The following SYNE2 variants were observed in gnomAD, a reference collection of about 807,000 sequenced individuals.
The protein encoded by SYNE2 is nesprin-2.
In SYNE2, 431 loss-of-function variants were observed where a neutral mutation model predicts 856.3. The ratio of observed to expected loss-of-function variants is 0.50; its 90% confidence interval spans 0.47 to 0.55. The LOEUF (loss-of-function observed/expected upper bound fraction) is 0.55. SYNE2 is among the 20% of genes least tolerant of loss of function. The pLI, the probability that SYNE2 is intolerant of heterozygous loss-of-function variation, is 0.00. For synonymous variants in SYNE2, 2,923 were observed against 2,872.3 expected, an observed-to-expected ratio of 1.02 and a Z score of -0.56; for missense variants, 8,129 against 8,023.2, an observed-to-expected ratio of 1.01 and a Z score of -0.50.
chr14:64,013,622 G>T (rs1317126654), intron 32 of SYNE2, among the ~76,000 whole-genome samples: 1 of 152,118 alleles, frequency 6.6e-6, no homozygotes, highest in Non-Finnish European at 1.5e-5. Context: ...ATGGCTTCTA[G>T]TTCCACCTGT....
rs1320309045 is a variant in SYNE2, at chr14:64,170,334, C to T, written c.17107C>T (p.Gln5703Ter). 1.2e-6 allele frequency: 2 copies of T among 1,614,040 alleles called. No individual in the cohort carries two copies. Among genetic ancestry groups the T allele is most frequent in the African/African-American group, 2.7e-5 (2 of 74,924 alleles). ...CGTTGATGGGCTGGTGAGGCAGTGG[C>T]AAGATTTCACTACTTCTGTGGAGAA... is the stretch of plus-strand genomic sequence containing the variant. ...GDVDGLVRQW[Q>*]DFTTSVENLF... Residue 5703 changes from glutamine (Q) to a stop codon, truncating the protein, a stop_gained, in exon 94 of 116, where the codon CAA becomes TAA. Transcript: ENST00000555002. LOFTEE classifies it high-confidence loss of function.
intron 1 of SYNE2, among the ~76,000 whole-genome samples, chr14:63,859,389 C>T (rs1892867184): frequency 6.6e-6 from 1 of 151,958 alleles, no homozygotes; most frequent in Non-Finnish European, 1.5e-5. Context: ...TTCCAGTTTC[C>T]TTAGGTCATT....
intron 112 of SYNE2, 138 bp from the exon 113 acceptor site, chr14:64,223,051 T>A: frequency 2.5e-6 from 2 of 805,186 alleles, no homozygotes; most frequent in Admixed American, 2.0e-5. Context: ...CAGGCAGATA[T>A]GAGAAATAGA....
At chr14:64,048,254 AGTCTT>A in intron 46 of SYNE2, 99 bp downstream of exon 46, 1 of 1,178,184 alleles carries the variant, frequency 8.5e-7, no homozygotes, top group Non-Finnish European at 1.2e-6. Context: ...CAGAGTGAAA[AGTCTT>A]ATTTAACCTT....
At position 64,126,473 on chromosome 14, in the gene SYNE2, C is replaced by T. The variant is rs772069863; in HGVS notation, c.13701C>T (p.His4567=). The part of the protein sequence containing the change: ...YREDGSGQQV[H]YETLALELKK... ...AGGATGGTTCTGGCCAGCAGGTGCA[C>T]TACGAGGTAGGGCACTTCTCACGAG... is the stretch of plus-strand genomic sequence containing the variant. The change falls in exon 72 of 116, where the codon CAC becomes CAT. Residue 4567 remains histidine (H), a synonymous_variant. Transcript: ENST00000555002. 4 of 1,614,128 alleles carry T rather than the reference C, an allele frequency of 2.5e-6. No individual in the cohort carries two copies. The South Asian group carries it at 4.4e-5, about 18-fold the overall frequency.
At position 64,102,176 on chromosome 14, in the gene SYNE2, G is replaced by A. The variant is rs570610362; in HGVS notation, c.12492+134G>A. 326 of 675,106 alleles carry A rather than the reference G, an allele frequency of 4.8e-4. 2 individuals carry two copies. The African/African-American group carries it at 5.0e-3, about 10-fold the overall frequency. The allele number at this position is 675,106 out of a possible 1,614,324, so 41.8% of individuals were successfully genotyped here. A position where few individuals can be genotyped will look rare whatever the true frequency, so the allele number is the denominator to read the frequency against. On this transcript the variant is annotated intron_variant, in intron 64 of 115. Coordinates refer to ENST00000555002, the MANE Select transcript of SYNE2 (RefSeq NM_182914.3). ...CTGTCGCCCAGACTGGAGTGCAGTC[G>A]TATGATCTCAGCTCACTGCAACCTC...
At chr14:64,069,464 G>A (rs2097385445) in intron 51 of SYNE2, among the ~76,000 whole-genome samples, 1 of 152,088 alleles carries the variant, frequency 6.6e-6, no homozygotes, top group Non-Finnish European at 1.5e-5. Flanking sequence ...CTAGTTATTG[G>A]GTACCCAACT....
intron 70 of SYNE2, 146 bp from the exon 71 acceptor site, chr14:64,124,933 A>T: frequency 1.0e-6 from 1 of 953,326 alleles, no homozygotes; most frequent in Non-Finnish European, 1.5e-6. Flanking sequence ...AACATGGGAG[A>T]CAGAGGTTTC....
In SYNE2 at chr14:64,113,217, T is replaced by C. The variant is rs1311033175; in HGVS notation, c.12610-124T>C. On this transcript the variant is annotated intron_variant, in intron 65 of 115. Coordinates refer to ENST00000555002, the MANE Select transcript of SYNE2 (RefSeq NM_182914.3). ...AGTGTGGAGGTGCATTTCTCTTTTC[T>C]TTCTTCCTTCTTCTGTCCTGATTTT... The C allele has an allele frequency of 1.7e-5, 26 of 1,547,536 alleles. No individual in the cohort carries two copies. The East Asian group carries it at 5.9e-4, about 35-fold the overall frequency.
At chr14:64,108,367 T>C (rs918398627) in intron 65 of SYNE2, among the ~76,000 whole-genome samples, 3 of 134,956 alleles carry the variant, frequency 2.2e-5, no homozygotes, top group African/African-American at 5.4e-5. Flanking sequence ...TAAAAAAATG[T>C]ATATATATAT....
chr14:63,950,063 C>G (rs2096125792), intron 7 of SYNE2, 57 bp downstream of exon 7: 4 of 1,551,128 alleles, frequency 2.6e-6, no homozygotes, highest in Non-Finnish European at 3.6e-6. Context: ...CAACCAACAC[C>G]ACCTCACCAC....
chr14:64,000,804 T>G, intron 28 of SYNE2, 85 bp downstream of exon 28: 3 of 1,223,160 alleles, frequency 2.5e-6, no homozygotes, highest in Admixed American at 1.9e-5. Context: ...CTTGCTATAC[T>G]AAGTATGTTA....
At chr14:63,949,789 C>G (rs772023761) in intron 6 of SYNE2, 36 bp from the exon 7 acceptor site, 15 of 1,612,698 alleles carry the variant, frequency 9.3e-6, no homozygotes, top group Non-Finnish European at 1.7e-6. Flanking sequence ...GTAACTTATG[C>G]TTTTATAAAC....
chr14:63,917,587 C>T (rs1411282065), intron 2 of SYNE2, among the ~76,000 whole-genome samples: 2 of 152,212 alleles, frequency 1.3e-5, no homozygotes, highest in East Asian at 3.9e-4. Context: ...TCTCCTGCCT[C>T]AGACTCCCGA....
intron 21 of SYNE2, among the ~76,000 whole-genome samples, chr14:63,991,802 A>T (rs2096668671): frequency 6.6e-6 from 1 of 152,204 alleles, no homozygotes; most frequent in African/African-American, 2.4e-5. Flanking sequence ...AGCATTTAGC[A>T]CACTTTATTG....
intron 37 of SYNE2, among the ~76,000 whole-genome samples, chr14:64,022,448 G>A (rs113534660): frequency 2.2e-4 from 34 of 152,156 alleles, no homozygotes; most frequent in African/African-American, 7.2e-4. Context: ...AAATAAATAG[G>A]GAGGCCGGGC....
intron 110 of SYNE2, 86 bp downstream of exon 110, chr14:64,219,496 C>A: frequency 1.5e-6 from 2 of 1,337,164 alleles, no homozygotes; most frequent in Non-Finnish European, 2.1e-6. Context: ...CCCATGTATT[C>A]GTGGCATAGG....
intron 19 of SYNE2, among the ~76,000 whole-genome samples, chr14:63,988,593 A>G (rs201605078): frequency 1.3e-4 from 20 of 152,126 alleles, no homozygotes; most frequent in Non-Finnish European, 2.4e-4. Flanking sequence ...TATAACTTCT[A>G]TTTTATCATA....
At position 64,033,786 on chromosome 14, in the gene SYNE2, T is replaced by G. The variant is rs188685360; in HGVS notation, c.7221+2429T>G. Among the ~76,000 whole-genome samples, 264 of 152,376 alleles carry G rather than the reference T, an allele frequency of 1.7e-3. 3 individuals are homozygous for G. Among genetic ancestry groups the G allele is most frequent in the South Asian group, 0.011 (53 of 4,830 alleles). The stretch of plus-strand genomic sequence containing the variant: ...GTTTATGATACAAATTTAAGGGTTA[T>G]TGATAGTTTATGATACTTCATTTAA... On this transcript the variant is annotated intron_variant, in intron 45 of 115. Transcript: ENST00000555002.
Sources: gnomAD v4.1 joint callset for allele counts (sites outside exome capture counted in the v4.1 genomes callset) on GRCh38, gnomAD v4.1.1 for gene constraint, MANE v1.5 for transcripts, NCBI Gene and HGNC (gene_info 2026-07-23, HGNC 2026-07-21) for gene names.